HCN4: variants seen among roughly 807,000 people sequenced by gnomAD.
HCN4 encodes the protein potassium/sodium hyperpolarization-activated cyclic nucleotide-gated channel 4.
A neutral mutation model predicts 76.9 loss-of-function variants in HCN4; 29 were observed. The ratio of observed to expected loss-of-function variants is 0.38; its 90% CI spans 0.28 to 0.51. The LOEUF (loss-of-function observed/expected upper bound fraction) is 0.51, where lower values mean the gene tolerates loss of function less well. HCN4 is among the 20% of genes least tolerant of loss of function. The pLI is 0.90. For missense variants in HCN4, 1,416 were observed against 1,715.2 expected (o/e 0.83, Z 3.08); for synonymous variants, 772 against 762.5 (o/e 1.01, Z -0.21).
chr15:73,366,986 C>G (rs1031412910), intron 1 of HCN4, among the ~76,000 whole-genome samples: 1 of 152,212 alleles, frequency 6.6e-6, no homozygotes, highest in African/African-American at 2.4e-5. Context: ...TGACTTCGGT[C>G]CTCCAGGGAC....
intron 1 of HCN4, among the ~76,000 whole-genome samples, chr15:73,359,978 C>T (rs548967635): frequency 3.3e-5 from 5 of 152,298 alleles, no homozygotes; most frequent in African/African-American, 1.2e-4. Context: ...TCAGGACCTG[C>T]CCAGGAAGAG....
intron 2 of HCN4, among the ~76,000 whole-genome samples, chr15:73,342,079 C>A (rs1014264636): frequency 6.6e-6 from 1 of 152,212 alleles, no homozygotes; most frequent in African/African-American, 2.4e-5. Flanking sequence ...GGCTGTCTCA[C>A]AGAGAGAGTA....
At chr15:73,356,374 CTTTTTTTTT>C (rs71137342) in intron 1 of HCN4, among the ~76,000 whole-genome samples, 3 of 118,192 alleles carry the variant, frequency 2.5e-5, no homozygotes, top group East Asian at 2.5e-4. Context: ...CTTTTCTTTT[CTTTTTTTTT>C]TTTTTTTTTT....
intron 6 of HCN4, 47 bp downstream of exon 6, chr15:73,324,907 GC>G: frequency 1.9e-6 from 3 of 1,610,836 alleles, no homozygotes; most frequent in Non-Finnish European, 2.5e-6. Flanking sequence ...CCCCAAACCA[GC>G]CCCTGGGAGC....
At position 73,367,388 on chromosome 15, in the gene HCN4, A is replaced by T; in HGVS notation, c.785+98T>A. Reference sequence around the variant, plus strand: ...CTGCCTCTCTTGGAGCTCCCAGCGCAAGGCAGGAAAGTTAACTCCGGCTGG... The same window carrying T: ...CTGCCTCTCTTGGAGCTCCCAGCGCTAGGCAGGAAAGTTAACTCCGGCTGG... On this transcript the variant is annotated intron_variant, in intron 1 of 7. Transcript: ENST00000261917. This position sits in a 1 kb window ranked among gnomAD's most constrained non-coding sequence, Gnocchi z 7.5. The T allele has an allele frequency of 6.4e-7, 1 of 1,570,710 alleles. No individual in the cohort carries two copies. The highest frequency in any genetic ancestry group is 1.2e-5 in the South Asian group (1 of 86,132).
rs1240253004 is a variant in HCN4 at position 73,367,311 on chromosome 15, C to T, written c.785+175G>A. On this transcript the variant is annotated intron_variant, in intron 1 of 7. Coordinates refer to ENST00000261917, the MANE Select transcript of HCN4 (RefSeq NM_005477.3). This position sits in a 1 kb window ranked among gnomAD's most constrained non-coding sequence, Gnocchi z 7.5. ...GTGACTGAACCCAGAGGAAAGTTCC[C>T]CCAGCGCGGTGCAGGAGGGGGCCTG... Among the ~76,000 whole-genome samples, 1 of 152,116 alleles carries T rather than the reference C, an allele frequency of 6.6e-6. No individual in the cohort carries two copies. The highest frequency in any genetic ancestry group is 2.4e-5 in the African/African-American group (1 of 41,422).
chr15:73,326,416 G>A (rs180720984), intron 4 of HCN4, among the ~76,000 whole-genome samples: 2 of 152,342 alleles, frequency 1.3e-5, no homozygotes, highest in East Asian at 3.9e-4. Context: ...GCCTCTGACT[G>A]CTCCAAGTTA....
intron 1 of HCN4, among the ~76,000 whole-genome samples, chr15:73,362,743 C>G (rs1484827313): frequency 1.3e-5 from 2 of 152,268 alleles, no homozygotes; most frequent in East Asian, 3.9e-4. Flanking sequence ...CCTGGCAGCC[C>G]AAAACCCTCG....
In HCN4 at chr15:73,367,918, C is replaced by T; in HGVS notation, c.353G>A (p.Ser118Asn). The part of the protein sequence containing the change: ...GGSGGTGSGS[S>N]HGHLHDSAEE... Reference sequence around the variant, plus strand: ...CGCGGAGTCATGCAGGTGTCCGTGACTGCTGCCGCTCCCCGTGCCGCCGCT... The same window carrying T: ...CGCGGAGTCATGCAGGTGTCCGTGATTGCTGCCGCTCCCCGTGCCGCCGCT... Residue 118 changes from serine to asparagine, a missense_variant, in exon 1 of 8, where the codon AGT (serine) becomes AAT (asparagine). Physicochemically the swap from Ser to Asn is conservative, Grantham distance 46 (BLOSUM62 1). Transcript: ENST00000261917. This position sits in a 1 kb window ranked among gnomAD's most constrained non-coding sequence, Gnocchi z 7.5. The T allele has an allele frequency of 7.3e-7, 1 of 1,378,988 alleles. No individual in the cohort carries two copies. The highest frequency in any genetic ancestry group is 9.3e-7 in the Non-Finnish European group (1 of 1,069,732). 85.4% of individuals were successfully genotyped at this position (1,378,988 alleles called of 1,614,324 possible). A position where few individuals can be genotyped will look rare whatever the true frequency, so the allele number is the denominator to read the frequency against.
At chr15:73,336,653 T>C (rs1395870227) in intron 2 of HCN4, among the ~76,000 whole-genome samples, 1 of 152,036 alleles carries the variant, frequency 6.6e-6, no homozygotes, top group Non-Finnish European at 1.5e-5. Flanking sequence ...CCTCCCCACA[T>C]CCCATCAATC....
intron 2 of HCN4, 134 bp from the exon 3 acceptor site, chr15:73,332,426 C>G (rs950005839): frequency 1.2e-6 from 1 of 868,174 alleles, no homozygotes; most frequent in Middle Eastern, 2.4e-4. Context: ...CAGTGCAAAT[C>G]CAGGCTGGGG....
rs1010135517 is a variant in HCN4 at position 73,353,703 on chromosome 15, G to A, written c.786-9895C>T. On this transcript the variant is annotated intron_variant, in intron 1 of 7. Coordinates refer to ENST00000261917, the MANE Select transcript of HCN4 (RefSeq NM_005477.3). ...TAGAAGGAGCTGCCTCTCTGGTGGT[G>A]GGGGAGTGTTTTGTCCCAGGGTGAG... Among the ~76,000 whole-genome samples the A allele has an allele frequency of 1.9e-4, 29 of 152,088 alleles. 1 individual carries two copies. Among genetic ancestry groups the A allele is most frequent in the African/African-American group, 5.3e-4 (22 of 41,386 alleles).
chr15:73,332,878 T>C lies in HCN4; in HGVS notation c.1210-586A>G, dbSNP rs1385642564. On this transcript the variant is annotated intron_variant, in intron 2 of 7. Coordinates refer to ENST00000261917, the MANE Select transcript of HCN4 (RefSeq NM_005477.3). Reference sequence around the variant, plus strand: ...GTGTAACCTTGAACCTCTCTGATCATGTTTTCTCATCTGGAAAATGGTGAT... The same window carrying C: ...GTGTAACCTTGAACCTCTCTGATCACGTTTTCTCATCTGGAAAATGGTGAT... Among the ~76,000 whole-genome samples, 3 of 152,308 alleles carry C rather than the reference T, an allele frequency of 2.0e-5. No individual in the cohort carries two copies. The East Asian group carries it at 5.8e-4, about 29-fold the overall frequency.
chr15:73,337,431 A>T (rs1344265788), intron 2 of HCN4, among the ~76,000 whole-genome samples: 1 of 152,224 alleles, frequency 6.6e-6, no homozygotes, highest in African/African-American at 2.4e-5. Flanking sequence ...GCCTCCGGGC[A>T]TGGCTAGAAA....
At chr15:73,350,736 A>G (rs2043052062) in intron 1 of HCN4, among the ~76,000 whole-genome samples, 1 of 151,204 alleles carries the variant, frequency 6.6e-6, no homozygotes, top group Non-Finnish European at 1.5e-5. Flanking sequence ...TACCATCCCC[A>G]TTTTCCTCCC....
chr15:73,346,465 T>G (rs960190687), intron 1 of HCN4, among the ~76,000 whole-genome samples: 1 of 151,948 alleles, frequency 6.6e-6, no homozygotes, highest in Admixed American at 6.5e-5. Context: ...AGAGGGAGGA[T>G]CAAATCTCCC....
intron 2 of HCN4, chr15:73,335,641 A>C (rs2042960352): frequency 6.6e-6 from 1 of 152,304 alleles, no homozygotes; most frequent in Non-Finnish European, 1.5e-5. Flanking sequence ...GCGAACAGCC[A>C]CTTGTAAGTG....
chr15:73,347,422 C>T (rs143928680), intron 1 of HCN4, among the ~76,000 whole-genome samples: 270 of 152,198 alleles, frequency 1.8e-3, no homozygotes, highest in Non-Finnish European at 2.2e-3. Flanking sequence ...CAGGTGTGGC[C>T]CCTGCCCCAG....
Position 73,322,561 on chromosome 15 carries a change from G to C in HCN4, c.3532C>G (p.Pro1178Ala), listed in dbSNP as rs1354805701. The C allele has an allele frequency of 1.2e-6, 2 of 1,607,634 alleles. No individual in the cohort carries two copies. The highest frequency in any genetic ancestry group is 3.4e-5 in the Admixed American group (2 of 59,290). The change falls in exon 8 of 8, where the codon CCC (proline) becomes GCC (alanine). Residue 1178 changes from proline to alanine, a missense_variant. Physicochemically the swap from Pro to Ala is conservative, Grantham distance 27. Around this residue, in one of 6 missense-constraint regions of HCN4, gnomAD observed 633 missense variants for 579.8 expected, o/e 1.09. Coordinates refer to ENST00000261917, the MANE Select transcript of HCN4 (RefSeq NM_005477.3). ...CTCTGGGGTCCAGCAGTCAGAGGGG[G>C]CCCCCCAGAAGAGGTGGCTCTTGCC... ...FGARATSSGGPPLTAGPQREP... is the reference protein window; with the variant it reads ...FGARATSSGGAPLTAGPQREP...
Sources: gnomAD v4.1 joint callset for allele counts (sites outside exome capture counted in the v4.1 genomes callset) on GRCh38, gnomAD v4.1.1 for gene constraint, gnomAD v4.1.1 regional missense constraint, Gnocchi (gnomAD v3.1) non-coding constraint, MANE v1.5 for transcripts, NCBI Gene and HGNC (gene_info 2026-07-23, HGNC 2026-07-21) for gene names.